NRXN1: variants seen among roughly 807,000 people sequenced by gnomAD.
The protein encoded by NRXN1 is neurexin-1.
In NRXN1, 39 loss-of-function variants were observed where a neutral mutation model predicts 150.9. The ratio of observed to expected loss-of-function variants is 0.26; its 90% confidence interval spans 0.20 to 0.34. The LOEUF is 0.34. Among genes scored for constraint, NRXN1 ranks in the 10% least tolerant of loss-of-function variants. The probability of loss-of-function intolerance (pLI) is 1.00; values close to 1 mark genes in which losing one functional copy is unlikely to be tolerated. For synonymous variants in NRXN1, 924 were observed against 757.0 expected, an observed-to-expected ratio of 1.22 and a Z score of -3.62; for missense variants, 1,815 against 1,949.9, an observed-to-expected ratio of 0.93 and a Z score of 1.30.
At chr2:50,927,725 T>C (rs887598804) in intron 2 of NRXN1, among the ~76,000 whole-genome samples, 1 of 152,002 alleles carries the variant, frequency 6.6e-6, no homozygotes, top group Admixed American at 6.6e-5. Flanking sequence ...TATTGTAAAA[T>C]AATAAAATCA....
chr2:50,576,229 A>G (rs982825309), intron 8 of NRXN1, among the ~76,000 whole-genome samples: 9 of 152,304 alleles, frequency 5.9e-5, no homozygotes, highest in Non-Finnish European at 1.2e-4. Context: ...AGAAAAAATC[A>G]TATATGGCTT....
chr2:49,928,330 T>C (rs1448721210), intron 22 of NRXN1, among the ~76,000 whole-genome samples: 2 of 152,104 alleles, frequency 1.3e-5, no homozygotes, highest in South Asian at 4.1e-4. Flanking sequence ...GACCAGTCTT[T>C]CTGGTTTTCT....
chr2:50,099,057 T>C (rs891002205), intron 18 of NRXN1, among the ~76,000 whole-genome samples: 14 of 152,034 alleles, frequency 9.2e-5, no homozygotes, highest in African/African-American at 3.4e-4. Context: ...TATGTCTCCA[T>C]CCTACAGGAT....
In NRXN1 at chr2:50,152,698, C is replaced by T. The variant is rs923779342; in HGVS notation, c.3547-61204G>A. On this transcript the variant is annotated intron_variant, in intron 18 of 22. Coordinates refer to ENST00000401669, the MANE Select transcript of NRXN1 (RefSeq NM_001330078.2). ...TTTCTGAAGAGAAATCTTAGCTAAT[C>T]TTATTAAGGATGACATGTATGAATG... is the stretch of plus-strand genomic sequence containing the variant. 2.6e-5 allele frequency among the ~76,000 whole-genome samples: 4 copies of T among 151,712 alleles called. No individual in the cohort carries two copies. The Admixed American group carries it at 2.6e-4, about 10-fold the overall frequency.
intron 8 of NRXN1, among the ~76,000 whole-genome samples, chr2:50,605,811 T>C (rs1040307176): frequency 2.0e-5 from 3 of 151,124 alleles, no homozygotes; most frequent in Non-Finnish European, 4.4e-5. Context: ...AAAAAAAAAA[T>C]GAAGTCAGAA....
At chr2:50,956,174 C>A (rs543837513) in intron 2 of NRXN1, among the ~76,000 whole-genome samples, 3 of 152,206 alleles carry the variant, frequency 2.0e-5, no homozygotes, top group African/African-American at 7.2e-5. Flanking sequence ...AGAGAGAGAT[C>A]ACATTCACAT....
At chr2:50,829,574 C>A (rs72889466) in intron 5 of NRXN1, 287,244 of 1,611,538 alleles carry the variant, frequency 0.18, 26,791 homozygotes, top group Non-Finnish European at 0.19. Flanking sequence ...ACTGAAGGTC[C>A]ATGTAGCCAT....
At chr2:50,791,582 C>G (rs986119795) in intron 5 of NRXN1, among the ~76,000 whole-genome samples, 1 of 152,078 alleles carries the variant, frequency 6.6e-6, no homozygotes. Flanking sequence ...CAAATGCACA[C>G]TGGAGATCAC....
At chr2:50,846,129 T>C (rs1036610158) in intron 5 of NRXN1, among the ~76,000 whole-genome samples, 2 of 152,202 alleles carry the variant, frequency 1.3e-5, no homozygotes, top group African/African-American at 4.8e-5. Flanking sequence ...AAATTTTTTT[T>C]CATTGATTTA....
At chr2:49,964,210 T>G (rs1676505326) in intron 21 of NRXN1, among the ~76,000 whole-genome samples, 1 of 152,248 alleles carries the variant, frequency 6.6e-6, no homozygotes, top group Non-Finnish European at 1.5e-5. Context: ...GAGCATCCAT[T>G]GAATCCTGGT....
At chr2:50,341,320 G>T (rs1162151237) in intron 17 of NRXN1, among the ~76,000 whole-genome samples, 1 of 151,840 alleles carries the variant, frequency 6.6e-6, no homozygotes, top group African/African-American at 2.4e-5. Flanking sequence ...GCTGAACTGG[G>T]ACAGGAACTC....
At chr2:50,719,599 C>T (rs1033756532) in intron 5 of NRXN1, among the ~76,000 whole-genome samples, 2 of 151,742 alleles carry the variant, frequency 1.3e-5, no homozygotes, top group Non-Finnish European at 2.9e-5. Flanking sequence ...TCGCTTGAAC[C>T]GGGGAGGCGG....
chr2:50,442,095 T>C (rs2086005038), intron 17 of NRXN1, among the ~76,000 whole-genome samples: 1 of 152,156 alleles, frequency 6.6e-6, no homozygotes, highest in Non-Finnish European at 1.5e-5. Context: ...AACATAATTG[T>C]TATGAACAAG....
At chr2:50,001,289 G>C (rs548643145) in intron 21 of NRXN1, among the ~76,000 whole-genome samples, 1 of 152,232 alleles carries the variant, frequency 6.6e-6, no homozygotes, top group Non-Finnish European at 1.5e-5. Context: ...CAAAATGACT[G>C]CTCAATAAAT....
At position 50,548,801 on chromosome 2, in the gene NRXN1, C is replaced by G. The variant is rs370497047; in HGVS notation, c.1759+3786G>C. On this transcript the variant is annotated intron_variant, in intron 9 of 22. Transcript: ENST00000401669. ...TCTCTCTATCCAAAAATAACCACTA[C>G]TTAGATTGGCAGCAAATTAATGACC... Among the ~76,000 whole-genome samples the G allele has an allele frequency of 3.3e-5, 5 of 152,186 alleles. No homozygotes were observed. In the South Asian group the frequency reaches 6.2e-4, roughly 19 times the overall value.
At chr2:50,688,705 G>A (rs564681993) in intron 5 of NRXN1, among the ~76,000 whole-genome samples, 2 of 152,094 alleles carry the variant, frequency 1.3e-5, no homozygotes, top group Admixed American at 1.3e-4. Flanking sequence ...TGTTGTTTTT[G>A]TTTAAAGCCA....
intron 17 of NRXN1, among the ~76,000 whole-genome samples, chr2:50,366,943 G>A (rs562655722): frequency 5.3e-5 from 8 of 152,092 alleles, no homozygotes; most frequent in African/African-American, 1.9e-4. Flanking sequence ...AGGTCTTCAG[G>A]TTTTGGAAGC....
At chr2:50,161,343 G>C (rs2059352756) in intron 18 of NRXN1, among the ~76,000 whole-genome samples, 2 of 152,142 alleles carry the variant, frequency 1.3e-5, no homozygotes, top group Admixed American at 1.3e-4. Flanking sequence ...ATCTGGACTA[G>C]AATTCAAATC....
At chr2:50,614,721 A>G (rs1279771443) in intron 8 of NRXN1, among the ~76,000 whole-genome samples, 2 of 135,016 alleles carry the variant, frequency 1.5e-5, no homozygotes, top group Non-Finnish European at 3.1e-5. Flanking sequence ...TATTAAACTA[A>G]TATCAGCCAT....
Sources: allele counts gnomAD v4.1 joint callset (sites outside exome capture counted in the v4.1 genomes callset), GRCh38; gene constraint gnomAD v4.1.1; transcripts MANE v1.5; gene names NCBI Gene and HGNC (gene_info 2026-07-23, HGNC 2026-07-21).